Variants in KLHL29 observed in about 807,000 individuals in gnomAD.
The protein encoded by KLHL29 is kelch like family member 29.
In KLHL29, 21 loss-of-function variants were observed where a neutral mutation model predicts 80.4. The observed-to-expected ratio is 0.26, with a 90% CI of 0.19 to 0.38. The LOEUF (loss-of-function observed/expected upper bound fraction) is 0.38. Ranked by LOEUF, KLHL29 falls within the 10% of genes least tolerant of loss-of-function variation. The probability of loss-of-function intolerance (pLI) is 1.00; values close to 1 mark genes in which losing one functional copy is unlikely to be tolerated. For missense variants in KLHL29, 867 were observed against 1,223.9 expected (o/e 0.71, Z 4.35); for synonymous variants, 511 against 526.8 (o/e 0.97, Z 0.41).
intron 1 of KLHL29, among the ~76,000 whole-genome samples, chr2:23,411,622 C>T (rs528652244): frequency 1.3e-5 from 2 of 152,096 alleles, no homozygotes; most frequent in South Asian, 4.2e-4. Context: ...TTCCCGCTGT[C>T]GGGAGATGAG....
intron 3 of KLHL29, among the ~76,000 whole-genome samples, chr2:23,603,493 A>G (rs1161847229): frequency 6.6e-6 from 1 of 152,202 alleles, no homozygotes; most frequent in African/African-American, 2.4e-5. Flanking sequence ...GGCACTTCCC[A>G]GGTTTCCTAC....
chr2:23,472,075 C>A (rs1664508626), intron 1 of KLHL29, among the ~76,000 whole-genome samples: 1 of 115,542 alleles, frequency 8.7e-6, no homozygotes, highest in African/African-American at 3.4e-5. Flanking sequence ...TGCTATGGAC[C>A]AGAGATTCCA....
intron 3 of KLHL29, among the ~76,000 whole-genome samples, chr2:23,633,887 C>A (rs1669539350): frequency 1.3e-5 from 2 of 152,002 alleles, no homozygotes; most frequent in South Asian, 2.1e-4. Flanking sequence ...GCGTTCATTT[C>A]TCTCCCCGTG....
At chr2:23,612,532 A>G (rs1426205426) in intron 3 of KLHL29, among the ~76,000 whole-genome samples, 1 of 152,220 alleles carries the variant, frequency 6.6e-6, no homozygotes, top group African/African-American at 2.4e-5. Context: ...ACCTGAGGTC[A>G]GGAGTTGGAG....
intron 2 of KLHL29, among the ~76,000 whole-genome samples, chr2:23,506,540 G>A (rs1331574531): frequency 6.6e-6 from 1 of 152,168 alleles, no homozygotes; most frequent in African/African-American, 2.4e-5. Context: ...AAGGACCCTA[G>A]CTCCTCCCTT....
At chr2:23,397,905 A>G (rs774592253) in intron 1 of KLHL29, among the ~76,000 whole-genome samples, 2 of 152,244 alleles carry the variant, frequency 1.3e-5, no homozygotes, top group Admixed American at 6.5e-5. Context: ...CAAAACCACA[A>G]TAAGATACCA....
chr2:23,595,498 G>A (rs953506939), intron 3 of KLHL29, among the ~76,000 whole-genome samples: 4 of 152,252 alleles, frequency 2.6e-5, no homozygotes, highest in Non-Finnish European at 4.4e-5. Flanking sequence ...AAGGTGGGCA[G>A]ATGTCTCTGC....
In KLHL29 at chr2:23,457,277, A is replaced by AG. The variant is rs552792234; in HGVS notation, c.-153-18279dup. 2.0e-5 allele frequency among the ~76,000 whole-genome samples: 3 copies of AG among 152,372 alleles called. No individual in the cohort carries two copies. The highest frequency in any genetic ancestry group is 7.2e-5 in the African/African-American group (3 of 41,592). Reference sequence around the variant, plus strand: ...GAACTCATATGGGCTCTGAGCCCAGAGGGGCCAGGTCTTTGGAGTCTGGAA... The same window carrying AG: ...GAACTCATATGGGCTCTGAGCCCAGAGGGGGCCAGGTCTTTGGAGTCTGGAA... On this transcript the variant is annotated intron_variant, in intron 1 of 13. Coordinates refer to ENST00000486442, the MANE Select transcript of KLHL29 (RefSeq NM_052920.2). This position sits in a 1 kb window ranked among gnomAD's most constrained non-coding sequence, Gnocchi z 4.3.
At chr2:23,416,400 C>G (rs1302200703) in intron 1 of KLHL29, among the ~76,000 whole-genome samples, 2 of 152,180 alleles carry the variant, frequency 1.3e-5, no homozygotes, top group Non-Finnish European at 2.9e-5. Flanking sequence ...CTCTGCAGGT[C>G]CATGCCTCAG....
intron 2 of KLHL29, among the ~76,000 whole-genome samples, chr2:23,559,242 G>T (rs147568760): frequency 2.0e-5 from 3 of 152,312 alleles, no homozygotes; most frequent in African/African-American, 7.2e-5. Context: ...GGGGTAGGAC[G>T]GGATGAATGA....
intron 3 of KLHL29, among the ~76,000 whole-genome samples, chr2:23,582,055 A>G (rs1667997976): frequency 6.6e-6 from 1 of 152,106 alleles, no homozygotes; most frequent in African/African-American, 2.4e-5. Context: ...ATACCACGCC[A>G]GGGTCTAGGA....
chr2:23,644,526 C>G (rs1466524503), intron 5 of KLHL29, among the ~76,000 whole-genome samples: 4 of 152,246 alleles, frequency 2.6e-5, no homozygotes. Context: ...ACTGGAGTCC[C>G]TAGTCTGGGG....
intron 3 of KLHL29, among the ~76,000 whole-genome samples, chr2:23,613,923 A>G (rs1184321935): frequency 6.6e-6 from 1 of 152,152 alleles, no homozygotes; most frequent in African/African-American, 2.4e-5. Context: ...CTTAGAATCA[A>G]CCTGCCTCCC....
At chr2:23,536,524 G>C (rs999328117) in intron 2 of KLHL29, among the ~76,000 whole-genome samples, 1 of 152,184 alleles carries the variant, frequency 6.6e-6, no homozygotes, top group Non-Finnish European at 1.5e-5. Flanking sequence ...TTTTTGATTT[G>C]TTCTTTGAAT....
rs559674506 is a variant in KLHL29, at chr2:23,671,260, G to T, written c.941-13139G>T. 2.0e-5 allele frequency among the ~76,000 whole-genome samples: 3 copies of T among 152,008 alleles called. No homozygotes were observed. In the East Asian group the frequency reaches 5.8e-4, roughly 30 times the overall value. The stretch of plus-strand genomic sequence containing the variant: ...TTCTTGGGAAGTAATGGCTTTTACT[G>T]GAGCAGGAGGAGGAGACTCGTGTTC... On this transcript the variant is annotated intron_variant, in intron 5 of 13. Coordinates refer to ENST00000486442, the MANE Select transcript of KLHL29 (RefSeq NM_052920.2).
rs556394031 is a variant in KLHL29 at position 23,647,523 on chromosome 2, A to G, written c.940+4673A>G. Among the ~76,000 whole-genome samples, 4 of 152,212 alleles carry G rather than the reference A, an allele frequency of 2.6e-5. No individual in the cohort carries two copies. The highest frequency in any genetic ancestry group is 9.6e-5 in the African/African-American group (4 of 41,514). ...AAACTCAATCGATTCAGGTTTCTAC[A>G]TATGTCCTCTGCTCTTCTGTACCCC... On this transcript the variant is annotated intron_variant, in intron 5 of 13. Transcript: ENST00000486442. The surrounding 1 kb of genome is among the most constrained non-coding windows in gnomAD (Gnocchi z 4.9).
intron 7 of KLHL29, 122 bp downstream of exon 7, chr2:23,691,998 G>A: frequency 1.1e-6 from 1 of 911,228 alleles, no homozygotes; most frequent in Non-Finnish European, 1.7e-6. Flanking sequence ...CCTCACATGT[G>A]GCTGAGTTTG....
chr2:23,453,137 A>T (rs1663938580), intron 1 of KLHL29, among the ~76,000 whole-genome samples: 1 of 151,842 alleles, frequency 6.6e-6, no homozygotes. Flanking sequence ...AGTAAATTTT[A>T]AAAAACGTTT....
chr2:23,595,862 G>C (rs1558402112), intron 3 of KLHL29, among the ~76,000 whole-genome samples: 1 of 152,136 alleles, frequency 6.6e-6, no homozygotes, highest in Non-Finnish European at 1.5e-5. Context: ...TGAATTGTGA[G>C]CTCCCCACGC....
Sources: gnomAD v4.1 joint callset for allele counts (sites outside exome capture counted in the v4.1 genomes callset) on GRCh38, gnomAD v4.1.1 for gene constraint, Gnocchi (gnomAD v3.1) non-coding constraint, MANE v1.5 for transcripts, NCBI Gene and HGNC (gene_info 2026-07-23, HGNC 2026-07-21) for gene names.